Variants in DIP2C observed in about 807,000 individuals in gnomAD.
DIP2C encodes the protein DIP2 acetate--CoA ligase C (putative), also known as disco-interacting protein 2 homolog C.
A neutral mutation model predicts 192.4 loss-of-function variants in DIP2C; 33 were observed. The ratio of observed to expected loss-of-function variants is 0.17; its 90% CI spans 0.13 to 0.23. DIP2C has a LOEUF of 0.23. Ranked by LOEUF, DIP2C falls within the 10% of genes least tolerant of loss-of-function variation. The probability of loss-of-function intolerance (pLI) is 1.00; values close to 1 mark genes in which losing one functional copy is unlikely to be tolerated. For synonymous variants in DIP2C, 979 were observed against 864.1 expected (o/e 1.13, Z -2.33); for missense variants, 1,537 against 2,110.1 (o/e 0.73, Z 5.32).
intron 32 of DIP2C, among the ~76,000 whole-genome samples, chr10:304,569 A>G (rs960752476): frequency 7.2e-6 from 1 of 138,622 alleles, no homozygotes; most frequent in Non-Finnish European, 1.7e-5. Context: ...ACACACACAC[A>G]CACACTTCCA....
chr10:288,509 G>T, intron 32 of DIP2C, 88 bp from the exon 33 acceptor site: 2 of 1,404,402 alleles, frequency 1.4e-6, no homozygotes, highest in Non-Finnish European at 2.0e-6. Flanking sequence ...GAGCCTGGCA[G>T]CTGTCCGGGA....
chr10:394,896 G>T (rs1305859611), intron 10 of DIP2C, among the ~76,000 whole-genome samples: 1 of 151,634 alleles, frequency 6.6e-6, no homozygotes, highest in East Asian at 1.9e-4. Context: ...AGACAGGAGG[G>T]AAGGTGACCG....
intron 28 of DIP2C, among the ~76,000 whole-genome samples, chr10:343,435 G>A (rs1370201862): frequency 2.6e-5 from 4 of 152,218 alleles, no homozygotes; most frequent in Non-Finnish European, 5.9e-5. Flanking sequence ...CAAGAGGTGA[G>A]AGAACTTGGA....
intron 18 of DIP2C, among the ~76,000 whole-genome samples, chr10:367,776 T>G (rs926450964): frequency 2.3e-4 from 35 of 152,240 alleles, no homozygotes; most frequent in Non-Finnish European, 4.3e-4. Flanking sequence ...CGTTACGCGC[T>G]GACAAAGGAC....
At chr10:418,432 T>C (rs1008680390) in intron 6 of DIP2C, among the ~76,000 whole-genome samples, 1 of 152,094 alleles carries the variant, frequency 6.6e-6, no homozygotes, top group Non-Finnish European at 1.5e-5. Flanking sequence ...AAGGGCATTG[T>C]ATTTCACCGC....
chr10:465,887 G>T (rs1392080682), intron 3 of DIP2C, among the ~76,000 whole-genome samples: 1 of 151,750 alleles, frequency 6.6e-6, no homozygotes, highest in Non-Finnish European at 1.5e-5. Flanking sequence ...GGAAATAAAA[G>T]AGGATACAAA....
intron 32 of DIP2C, among the ~76,000 whole-genome samples, chr10:300,836 T>TC (rs1956005854): frequency 1.1e-5 from 1 of 93,656 alleles, no homozygotes. Flanking sequence ...AGAAACCGGA[T>TC]CCAGGGGCGG....
chr10:609,470 G>C (rs778992640), intron 1 of DIP2C, among the ~76,000 whole-genome samples: 4 of 152,156 alleles, frequency 2.6e-5, no homozygotes, highest in Admixed American at 6.5e-5. Flanking sequence ...CATTCAATCA[G>C]CATCAGTCTC....
At chr10:449,917 C>CAAAAAAAAAAAAAAAA (rs1287942290) in intron 3 of DIP2C, among the ~76,000 whole-genome samples, 4 of 22,526 alleles carry the variant, frequency 1.8e-4, no homozygotes, top group Non-Finnish European at 4.4e-4. Flanking sequence ...CAGTCAACAA[C>CAAAAAAAAAAAAAAAA]AACAAAAAAA....
At chr10:347,390 CGTCACACGCA>C in intron 26 of DIP2C, among the ~76,000 whole-genome samples, 1 of 149,660 alleles carries the variant, frequency 6.7e-6, no homozygotes, top group South Asian at 2.1e-4. Context: ...CTCCCGGAAA[CGTCACACGCA>C]CCCGGACACA....
chr10:658,363 C>T lies in DIP2C; in HGVS notation c.85+31131G>A, dbSNP rs373446471. Among the ~76,000 whole-genome samples, 8 of 152,226 alleles carry T rather than the reference C, an allele frequency of 5.3e-5. No homozygotes were observed. The East Asian group carries it at 1.6e-3, about 30-fold the overall frequency. ...CCTGCCCCTGGACCTGCCCCTGGAC[C>T]TGCCGCTGGACCTGACACTGGACCT... On this transcript the variant is annotated intron_variant, in intron 1 of 36. Transcript: ENST00000280886.
chr10:588,880 G>T (rs1278887595), intron 1 of DIP2C, among the ~76,000 whole-genome samples: 7 of 152,172 alleles, frequency 4.6e-5, no homozygotes, highest in Non-Finnish European at 1.0e-4. Flanking sequence ...CAGGAGTGGG[G>T]TCACCGGGCC....
intron 14 of DIP2C, among the ~76,000 whole-genome samples, chr10:386,287 G>A (rs1962903355): frequency 6.6e-6 from 1 of 152,230 alleles, no homozygotes; most frequent in Non-Finnish European, 1.5e-5. Flanking sequence ...ACGTCAAATA[G>A]GATCGTCGTT....
chr10:377,732 T>A (rs933162271), intron 17 of DIP2C, among the ~76,000 whole-genome samples: 14 of 152,176 alleles, frequency 9.2e-5, no homozygotes, highest in Non-Finnish European at 1.5e-5. Context: ...AGCACCCTTC[T>A]CCCTGCGGAC....
At chr10:420,292 CG>C (rs1199503795) in intron 5 of DIP2C, among the ~76,000 whole-genome samples, 1 of 152,264 alleles carries the variant, frequency 6.6e-6, no homozygotes. Flanking sequence ...ATCTGAGAAT[CG>C]GGCCGGGTGG....
At chr10:347,406 A>G (rs1264003621) in intron 26 of DIP2C, among the ~76,000 whole-genome samples, 6 of 148,142 alleles carry the variant, frequency 4.1e-5, no homozygotes, top group Non-Finnish European at 8.9e-5. Flanking sequence ...ACGCACCCGG[A>G]CACATCGCGC....
intron 28 of DIP2C, 126 bp from the exon 29 acceptor site, chr10:341,455 G>C: frequency 7.3e-7 from 1 of 1,376,814 alleles, no homozygotes; most frequent in Non-Finnish European, 1.0e-6. Flanking sequence ...CAGACACCCG[G>C]GACAATACGG....
intron 15 of DIP2C, among the ~76,000 whole-genome samples, 184 bp downstream of exon 15, chr10:384,362 C>T (rs896210198): frequency 4.7e-5 from 7 of 147,900 alleles, no homozygotes; most frequent in Non-Finnish European, 7.4e-5. Flanking sequence ...CTCAACCTCC[C>T]GAGTAGCTGG....
intron 1 of DIP2C, among the ~76,000 whole-genome samples, chr10:615,645 C>T (rs1356623104): frequency 1.3e-5 from 2 of 151,920 alleles, no homozygotes; most frequent in Non-Finnish European, 2.9e-5. Flanking sequence ...CACACACACA[C>T]AGGGTTTGCT....
Sources: gnomAD v4.1 joint callset for allele counts (sites outside exome capture counted in the v4.1 genomes callset) on GRCh38, gnomAD v4.1.1 for gene constraint, MANE v1.5 for transcripts, NCBI Gene and HGNC (gene_info 2026-07-23, HGNC 2026-07-21) for gene names.